Variants in POLR3B observed in about 807,000 individuals in gnomAD.
The protein encoded by POLR3B is DNA-directed RNA polymerase III subunit RPC2.
In POLR3B, 96 loss-of-function variants were observed where a neutral mutation model predicts 147.4. The observed-to-expected ratio is 0.65, with a 90% CI of 0.55 to 0.77. The LOEUF (loss-of-function observed/expected upper bound fraction) is 0.77, where lower values mean the gene tolerates loss of function less well. POLR3B is among the 30% of genes least tolerant of loss of function. POLR3B has a pLI of 0.00. For synonymous variants in POLR3B, 461 were observed against 485.9 expected, an observed-to-expected ratio of 0.95 and a Z score of 0.67; for missense variants, 1,036 against 1,413.5, an observed-to-expected ratio of 0.73 and a Z score of 4.28.
Position 106,504,081 on chromosome 12 carries a change from G to A in POLR3B, c.3099G>A (p.Arg1033=), listed in dbSNP as rs746448456. 6.2e-7 allele frequency: 1 copy of A among 1,613,708 alleles called. No homozygotes were observed. Among genetic ancestry groups the A allele is most frequent in the Admixed American group, 1.7e-5 (1 of 59,992 alleles). The change falls in exon 27 of 28, where the codon AGG becomes AGA. Residue 1033 remains arginine, a splice_region_variant and synonymous_variant. Transcript: ENST00000228347. The surrounding 1 kb of genome is among the most constrained non-coding windows in gnomAD (Gnocchi z 4.6). ...RARGPRAVLT[R]QPTEGRSRDG... is the part of the protein sequence containing the mutation. Reference sequence around the variant, plus strand: ...ATTTGTCTAATAACTTGTTTCAAAGGCAACCCACTGAAGGACGGTCTCGTG... The same window carrying A: ...ATTTGTCTAATAACTTGTTTCAAAGACAACCCACTGAAGGACGGTCTCGTG...
chr12:106,394,914 A>T (rs576372938), intron 10 of POLR3B, among the ~76,000 whole-genome samples: 36 of 152,380 alleles, frequency 2.4e-4, no homozygotes, highest in African/African-American at 7.9e-4. Flanking sequence ...AATAGTTGGT[A>T]TGTAGAACAT....
At chr12:106,384,961 G>A (rs77813392) in intron 9 of POLR3B, among the ~76,000 whole-genome samples, 4,240 of 151,830 alleles carry the variant, frequency 0.028, 196 homozygotes, top group African/African-American at 0.098. Context: ...AAGTAGCTGC[G>A]ATTTCAGGCG....
intron 14 of POLR3B, 77 bp from the exon 15 acceptor site, chr12:106,432,241 T>C: frequency 7.5e-7 from 1 of 1,327,738 alleles, no homozygotes; most frequent in Non-Finnish European, 1.1e-6. Flanking sequence ...AGCAAAGTAG[T>C]GAGCTATTTT....
intron 22 of POLR3B, among the ~76,000 whole-genome samples, chr12:106,462,788 C>T (rs114415610): frequency 6.6e-6 from 1 of 152,086 alleles, no homozygotes; most frequent in East Asian, 1.9e-4. Flanking sequence ...TGTCAGTGAC[C>T]CACTCTGGTC....
chr12:106,426,222 TTGTGTGTGTGTGTGTG>T (rs35090518), intron 12 of POLR3B, among the ~76,000 whole-genome samples: 51 of 131,222 alleles, frequency 3.9e-4, no homozygotes, highest in South Asian at 1.4e-3. Context: ...GGCCTGCAAT[TTGTGTGTGTGTGTGTG>T]TGTGTGTGTG....
intron 22 of POLR3B, among the ~76,000 whole-genome samples, chr12:106,461,547 T>G (rs1171269123): frequency 6.6e-6 from 1 of 152,174 alleles, no homozygotes; most frequent in Non-Finnish European, 1.5e-5. Flanking sequence ...ATAGTCGAAC[T>G]TGCCAAATCA....
chr12:106,446,331 C>A (rs1490830300), intron 19 of POLR3B: 3 of 442,356 alleles, frequency 6.8e-6, no homozygotes, highest in Non-Finnish European at 1.4e-5. Context: ...CTGCAACTAT[C>A]TCTATGTAGT....
rs573028103 is a variant in POLR3B at position 106,441,487 on chromosome 12, G to T, written c.1956-2976G>T. On this transcript the variant is annotated intron_variant, in intron 18 of 27. Transcript: ENST00000228347. ...TTGTAGCACAATGGTAAGTATTTGT[G>T]TATCAAAACATATCTAAACAAAGAA... Among the ~76,000 whole-genome samples the T allele has an allele frequency of 1.4e-4, 22 of 152,220 alleles. 1 individual carries two copies. The highest frequency in any genetic ancestry group is 5.1e-4 in the African/African-American group (21 of 41,536).
intron 23 of POLR3B, among the ~76,000 whole-genome samples, chr12:106,471,195 T>G (rs184218212): frequency 6.6e-6 from 1 of 152,094 alleles, no homozygotes; most frequent in South Asian, 2.1e-4. Context: ...TCTGCCACAC[T>G]CCACCATCCC....
intron 19 of POLR3B, among the ~76,000 whole-genome samples, chr12:106,450,986 T>C (rs936350924): frequency 2.0e-5 from 3 of 152,200 alleles, no homozygotes; most frequent in African/African-American, 7.2e-5. Flanking sequence ...TGTATATTTA[T>C]ACAATACTAA....
chr12:106,417,375 T>C (rs2037318580), intron 12 of POLR3B, among the ~76,000 whole-genome samples: 1 of 152,268 alleles, frequency 6.6e-6, no homozygotes, highest in Middle Eastern at 3.4e-3. Flanking sequence ...AGGTGGAGGC[T>C]GGATCATCTG....
chr12:106,366,739 C>G lies in POLR3B; in HGVS notation c.227+17C>G. 6.4e-7 allele frequency: 1 copy of G among 1,573,538 alleles called. No homozygotes were observed. Among genetic ancestry groups the G allele is most frequent in the Non-Finnish European group, 8.7e-7 (1 of 1,143,594 alleles). ...GTACTTAAAGTAAGGAACCAACATT[C>G]TTAATTTGCTATGTGGGTTACATCT... On this transcript the variant is annotated intron_variant, in intron 4 of 27. Transcript: ENST00000228347.
intron 18 of POLR3B, among the ~76,000 whole-genome samples, chr12:106,441,553 A>G (rs1482685912): frequency 6.6e-6 from 1 of 152,170 alleles, no homozygotes; most frequent in Non-Finnish European, 1.5e-5. Context: ...GTTTGGAACC[A>G]CCACCATTTA....
intron 23 of POLR3B, among the ~76,000 whole-genome samples, chr12:106,486,310 AAAAAAG>A (rs1360957234): frequency 6.6e-6 from 1 of 150,738 alleles, no homozygotes; most frequent in African/African-American, 2.4e-5. Flanking sequence ...AAAAAAAAAA[AAAAAAG>A]AGTAAGGAGA....
intron 18 of POLR3B, among the ~76,000 whole-genome samples, chr12:106,441,870 TG>T (rs1225688641): frequency 2.0e-5 from 3 of 152,082 alleles, no homozygotes; most frequent in African/African-American, 7.2e-5. Flanking sequence ...CACCTGAGGT[TG>T]GGAGTTTGAG....
chr12:106,373,049 CAA>C (rs774877198), intron 6 of POLR3B, among the ~76,000 whole-genome samples: 15 of 152,162 alleles, frequency 9.9e-5, no homozygotes, highest in East Asian at 3.8e-4. Context: ...TATTTGGAAA[CAA>C]GAGGTATTCT....
chr12:106,504,464 G>A lies in POLR3B; in HGVS notation c.3272+210G>A, dbSNP rs959504517. On this transcript the variant is annotated intron_variant, in intron 27 of 27. Coordinates refer to ENST00000228347, the MANE Select transcript of POLR3B (RefSeq NM_018082.6). This position sits in a 1 kb window ranked among gnomAD's most constrained non-coding sequence, Gnocchi z 4.6. ...ATGATCTACTTCCTACACAACTAGA[G>A]GCTAAGCTCCCAAGGAGTACAAACT... Among the ~76,000 whole-genome samples the A allele has an allele frequency of 2.0e-5, 3 of 152,110 alleles. No individual in the cohort carries two copies. The highest frequency in any genetic ancestry group is 4.8e-5 in the African/African-American group (2 of 41,416).
chr12:106,452,896 G>A (rs942680852), intron 19 of POLR3B, among the ~76,000 whole-genome samples: 2 of 152,058 alleles, frequency 1.3e-5, no homozygotes, highest in Admixed American at 6.6e-5. Context: ...TAATTTGCTT[G>A]ACATTTATTG....
intron 22 of POLR3B, among the ~76,000 whole-genome samples, chr12:106,460,754 C>T (rs2037922341): frequency 6.6e-6 from 1 of 152,168 alleles, no homozygotes; most frequent in Non-Finnish European, 1.5e-5. Context: ...TTTTCAGAGA[C>T]CTTTTTCTGT....
Sources: gnomAD v4.1 joint callset for allele counts (sites outside exome capture counted in the v4.1 genomes callset) on GRCh38, gnomAD v4.1.1 for gene constraint, Gnocchi (gnomAD v3.1) non-coding constraint, MANE v1.5 for transcripts, NCBI Gene and HGNC (gene_info 2026-07-23, HGNC 2026-07-21) for gene names.